Variants in CDK12 observed in about 807,000 individuals in gnomAD.
CDK12 encodes the protein cyclin dependent kinase 12.
In CDK12, 17 loss-of-function variants were observed where a neutral mutation model predicts 133.8. That is an observed-to-expected ratio of 0.13 (90% CI 0.09 to 0.19). CDK12 has a LOEUF of 0.19. Among genes scored for constraint, CDK12 ranks in the 10% least tolerant of loss-of-function variants. CDK12 has a pLI of 1.00. For synonymous variants in CDK12, 694 were observed against 683.6 expected (o/e 1.02, Z -0.24); for missense variants, 1,508 against 1,818.7 (o/e 0.83, Z 3.11).
intron 2 of CDK12, among the ~76,000 whole-genome samples, chr17:39,482,256 C>T (rs1263413648): frequency 6.6e-6 from 1 of 151,970 alleles, no homozygotes; most frequent in Admixed American, 6.6e-5. Flanking sequence ...AGGTGATCCA[C>T]CCGCCTCGGC....
intron 2 of CDK12, among the ~76,000 whole-genome samples, chr17:39,483,192 C>G (rs753546189): frequency 3.3e-5 from 5 of 152,084 alleles, no homozygotes; most frequent in African/African-American, 4.8e-5. Context: ...GCATTACAGG[C>G]GTGAGCCACC....
intron 3 of CDK12, 45 bp downstream of exon 3, chr17:39,490,778 T>C (rs1192804813): frequency 1.4e-6 from 2 of 1,439,284 alleles, no homozygotes. Flanking sequence ...TTTTCTCCCT[T>C]CCTTTTGAAC....
chr17:39,476,407 A>G (rs552634907), intron 2 of CDK12, among the ~76,000 whole-genome samples: 127 of 151,596 alleles, frequency 8.4e-4, no homozygotes, highest in Middle Eastern at 6.8e-3. Flanking sequence ...CCGTGCCCCA[A>G]CTATTTATTA....
At chr17:39,468,667 G>C (rs1373402276) in intron 1 of CDK12, among the ~76,000 whole-genome samples, 1 of 151,352 alleles carries the variant, frequency 6.6e-6, no homozygotes, top group Non-Finnish European at 1.5e-5. Flanking sequence ...TAGAGACAGG[G>C]TTTCTCCATA....
downstream of CDK12, among the ~76,000 whole-genome samples, chr17:39,535,307 A>G (rs773271859): frequency 2.6e-5 from 4 of 152,196 alleles, no homozygotes; most frequent in African/African-American, 4.8e-5. Context: ...TCATACAGGA[A>G]GGTTAAGGGA....
rs779797685 is a variant in CDK12 at position 39,462,593 on chromosome 17, C to T, written c.522C>T (p.Ser174=). 93 of 1,613,976 alleles carry T rather than the reference C, an allele frequency of 5.8e-5. No individual in the cohort carries two copies. The highest frequency in any genetic ancestry group is 7.5e-5 in the Non-Finnish European group (89 of 1,180,038). ...AQVAKSSSKE[S]RSSKLHKEKT... ...TAGCCAAAAGCAGCAGCAAGGAATCCAGGTCATCCAAGCTCCACAAGGAGA... is the reference window on the plus strand; with the variant it reads ...TAGCCAAAAGCAGCAGCAAGGAATCTAGGTCATCCAAGCTCCACAAGGAGA... The change falls in exon 1 of 14, where the codon TCC becomes TCT. Residue 174 remains serine (S), a synonymous_variant. Transcript: ENST00000447079.
Position 39,533,520 on chromosome 17 carries a change from A to G in CDK12, c.*2204A>G. 4.3e-6 allele frequency: 1 copy of G among 233,272 alleles called. No individual in the cohort carries two copies. Among genetic ancestry groups the G allele is most frequent in the Non-Finnish European group, 8.5e-6 (1 of 117,962 alleles). The allele number at this position is 233,272 out of a possible 1,614,324, so 14.5% of individuals were successfully genotyped here. A position where few individuals can be genotyped will look rare whatever the true frequency, so the allele number is the denominator to read the frequency against. On this transcript the variant is annotated 3_prime_UTR_variant, in exon 14 of 14. Transcript: ENST00000447079. ...AAAAAAAGTTGGTTTCCCATCAAAT[A>G]TGAATAAAATTCTCTATATATTTCA...
intron 6 of CDK12, among the ~76,000 whole-genome samples, chr17:39,505,938 G>A (rs1269144611): frequency 6.6e-6 from 1 of 152,104 alleles, no homozygotes; most frequent in Non-Finnish European, 1.5e-5. Flanking sequence ...AATTATAGAT[G>A]GAAGTAAGTT....
intron 10 of CDK12, among the ~76,000 whole-genome samples, chr17:39,519,418 C>T (rs1326333271): frequency 6.9e-6 from 1 of 145,006 alleles, no homozygotes; most frequent in African/African-American, 2.6e-5. Flanking sequence ...AAGCGATTCT[C>T]AGCCCTCCAA....
intron 5 of CDK12, among the ~76,000 whole-genome samples, chr17:39,498,367 A>C (rs1417312076): frequency 6.6e-6 from 1 of 151,740 alleles, no homozygotes; most frequent in African/African-American, 2.4e-5. Flanking sequence ...TGGGATTACA[A>C]GTGTGTGCCA....
chr17:39,492,923 A>T, intron 4 of CDK12, 33 bp downstream of exon 4: 1 of 1,563,806 alleles, frequency 6.4e-7, no homozygotes, highest in Non-Finnish European at 8.7e-7. Flanking sequence ...AGATGTCAGA[A>T]TGTTAACAAT....
intron 2 of CDK12, among the ~76,000 whole-genome samples, chr17:39,473,798 T>C (rs1304667786): frequency 6.6e-6 from 1 of 151,988 alleles, no homozygotes; most frequent in Non-Finnish European, 1.5e-5. Context: ...GGCAGAAGAA[T>C]TACTTGAACC....
At position 39,499,504 on chromosome 17, in the gene CDK12, C is replaced by T. The variant is rs139299760; in HGVS notation, c.2420-1746C>T. On this transcript the variant is annotated intron_variant, in intron 5 of 13. Transcript: ENST00000447079. Reference sequence around the variant, plus strand: ...GATTACAGGCATGAACTACCGCGCCCAGCCTCTTTTTTTTTTTTTCTCAAG... The same window carrying T: ...GATTACAGGCATGAACTACCGCGCCTAGCCTCTTTTTTTTTTTTTCTCAAG... Among the ~76,000 whole-genome samples, 476 of 138,518 alleles carry T rather than the reference C, an allele frequency of 3.4e-3. 3 individuals are homozygous for T. Among genetic ancestry groups the T allele is most frequent in the African/African-American group, 0.013 (466 of 36,404 alleles). 90.9% of individuals were successfully genotyped at this position (138,518 alleles called of 152,430 possible). A position where few individuals can be genotyped will look rare whatever the true frequency, so the allele number is the denominator to read the frequency against.
chr17:39,523,183 C>A (rs2054286630), intron 11 of CDK12, among the ~76,000 whole-genome samples: 1 of 151,690 alleles, frequency 6.6e-6, no homozygotes, highest in African/African-American at 2.4e-5. Flanking sequence ...CATAAAAAGT[C>A]TTTTATCTGG....
At chr17:39,560,866 T>G (rs1181845508) in intron 3 of CDK12, among the ~76,000 whole-genome samples, 1 of 152,054 alleles carries the variant, frequency 6.6e-6, no homozygotes, top group Non-Finnish European at 1.5e-5. Flanking sequence ...AATACAAAAA[T>G]TAGCCAGGCG....
At chr17:39,538,983 A>G (rs1162917789), downstream of CDK12, among the ~76,000 whole-genome samples, 1 of 152,180 alleles carries the variant, frequency 6.6e-6, no homozygotes, top group Admixed American at 6.5e-5. Context: ...AATATGTAGG[A>G]GATAAAAGGG....
downstream of CDK12, among the ~76,000 whole-genome samples, chr17:39,536,205 C>G (rs1271870953): frequency 6.6e-6 from 1 of 152,156 alleles, no homozygotes; most frequent in East Asian, 1.9e-4. Flanking sequence ...CCCTATTTCT[C>G]TTTCTCCCCA....
chr17:39,556,615 C>T (rs1279438252), intron 3 of CDK12, among the ~76,000 whole-genome samples: 4 of 152,180 alleles, frequency 2.6e-5, no homozygotes, highest in African/African-American at 9.7e-5. Context: ...GAGACAACCT[C>T]CTGGCTTTTT....
intron 3 of CDK12, among the ~76,000 whole-genome samples, chr17:39,492,096 T>C (rs1020654442): frequency 1.3e-4 from 19 of 149,782 alleles, no homozygotes; most frequent in African/African-American, 4.6e-4. Context: ...TTCATTTTCT[T>C]TTCTTTTTTT....
Sources: gnomAD v4.1 joint callset for allele counts (sites outside exome capture counted in the v4.1 genomes callset) on GRCh38, gnomAD v4.1.1 for gene constraint, MANE v1.5 for transcripts, NCBI Gene and HGNC (gene_info 2026-07-23, HGNC 2026-07-21) for gene names.